The following PITPNM2 variants were observed in gnomAD, a reference collection of about 807,000 sequenced individuals.
PITPNM2 encodes the protein phosphatidylinositol transfer protein membrane associated 2.
PITPNM2 carries 35 observed loss-of-function variants against 132.2 expected under a neutral mutation model. That is an observed-to-expected ratio of 0.26 (90% CI 0.20 to 0.35). The LOEUF (loss-of-function observed/expected upper bound fraction) is 0.35, where lower values mean the gene tolerates loss of function less well. PITPNM2 is among the 10% of genes least tolerant of loss of function. The pLI, the probability that PITPNM2 is intolerant of heterozygous loss-of-function variation, is 1.00. For missense variants in PITPNM2, 1,332 were observed against 1,912.0 expected (o/e 0.70, Z 5.66); for synonymous variants, 738 against 799.2 (o/e 0.92, Z 1.29).
chr12:122,994,921 T>C lies in PITPNM2; in HGVS notation c.2113A>G (p.Met705Val), dbSNP rs2038358022. Residue 705 changes from methionine to valine, a missense_variant, in exon 15 of 26, where the codon ATG (methionine) becomes GTG (valine). Physicochemically the swap from Met to Val is conservative, Grantham distance 21. Coordinates refer to ENST00000320201, the MANE Select transcript of PITPNM2 (RefSeq NM_020845.3). This position sits in a 1 kb window ranked among gnomAD's most constrained non-coding sequence, Gnocchi z 5.4. ...PCSRHSSSST[M>V]LDGTGALGRF... ...CCCAGGGCACCTGTGCCATCCAGCA[T>C]GGTGGAGCTGCTGGAATGGCGTGAG... is the stretch of plus-strand genomic sequence containing the variant. 1.2e-6 allele frequency: 2 copies of C among 1,611,854 alleles called. No individual in the cohort carries two copies. Among genetic ancestry groups the C allele is most frequent in the Admixed American group, 1.7e-5 (1 of 59,938 alleles).
At chr12:123,072,069 A>G (rs1192446044) in intron 2 of PITPNM2, among the ~76,000 whole-genome samples, 2 of 152,234 alleles carry the variant, frequency 1.3e-5, no homozygotes, top group East Asian at 1.9e-4. Context: ...AAGCCTGTTC[A>G]CAGCCACAGG....
rs976224029 is a variant in PITPNM2, at chr12:123,108,867, G to A, written c.-96+1518C>T. On this transcript the variant is annotated intron_variant, in intron 2 of 25. Coordinates refer to ENST00000320201, the MANE Select transcript of PITPNM2 (RefSeq NM_020845.3). The surrounding 1 kb of genome is among the most constrained non-coding windows in gnomAD (Gnocchi z 4.4). ...AAGGGAAGGGACTTACCCGAGATCA[G>A]ACAGCAAGTAACAGTTGAGCCTGGG... is the stretch of plus-strand genomic sequence containing the variant. 6.6e-6 allele frequency among the ~76,000 whole-genome samples: 1 copy of A among 152,124 alleles called. No homozygotes were observed. Among genetic ancestry groups the A allele is most frequent in the African/African-American group, 2.4e-5 (1 of 41,416 alleles).
intron 2 of PITPNM2, among the ~76,000 whole-genome samples, chr12:123,039,725 C>A (rs1287912723): frequency 6.6e-6 from 1 of 152,180 alleles, no homozygotes; most frequent in Non-Finnish European, 1.5e-5. Flanking sequence ...CATGTCACTG[C>A]AGGCTCATTC....
chr12:123,094,993 C>T (rs996214173), intron 2 of PITPNM2, among the ~76,000 whole-genome samples: 8 of 152,322 alleles, frequency 5.3e-5, no homozygotes, highest in African/African-American at 1.9e-4. Flanking sequence ...GGCTTCGTGG[C>T]GCACTGAAGC....
At chr12:123,012,849 G>C in intron 4 of PITPNM2, 115 bp from the exon 5 acceptor site, 1 of 1,403,124 alleles carries the variant, frequency 7.1e-7, no homozygotes, top group Non-Finnish European at 9.7e-7. Context: ...CATGGAAGGA[G>C]GGTGGAGGGT....
chr12:123,059,293 C>T (rs2041150782), intron 2 of PITPNM2, among the ~76,000 whole-genome samples: 1 of 152,226 alleles, frequency 6.6e-6, no homozygotes, highest in African/African-American at 2.4e-5. Context: ...CTTTCCGTAG[C>T]AGCACTGAGC....
rs2041345131 is a variant in PITPNM2 at position 123,064,312 on chromosome 12, A to C, written c.-95-29627T>G. On this transcript the variant is annotated intron_variant, in intron 2 of 25. Coordinates refer to ENST00000320201, the MANE Select transcript of PITPNM2 (RefSeq NM_020845.3). This position sits in a 1 kb window ranked among gnomAD's most constrained non-coding sequence, Gnocchi z 4.0. ...GCAAGTCAGTAGCAGGGAAGGGATG[A>C]GAACTCCTCATTCTGGGCCCAGGGT... is the stretch of plus-strand genomic sequence containing the variant. Among the ~76,000 whole-genome samples, 1 of 152,196 alleles carries C rather than the reference A, an allele frequency of 6.6e-6. No individual in the cohort carries two copies. Among genetic ancestry groups the C allele is most frequent in the Non-Finnish European group, 1.5e-5 (1 of 68,030 alleles).
intron 1 of PITPNM2, among the ~76,000 whole-genome samples, chr12:123,119,664 G>A (rs1176818366): frequency 1.3e-5 from 2 of 152,070 alleles, no homozygotes; most frequent in Non-Finnish European, 1.5e-5. Context: ...GGCTGAGGAT[G>A]TGATCTTAAT....
chr12:123,144,013 A>G (rs1016674480), intron 1 of PITPNM2, among the ~76,000 whole-genome samples: 23 of 152,250 alleles, frequency 1.5e-4, no homozygotes, highest in African/African-American at 5.3e-4. Flanking sequence ...GAATTACCCT[A>G]GTCACTAAAA....
chr12:122,992,456 C>T lies in PITPNM2; in HGVS notation c.2404+43G>A. 6.4e-7 allele frequency: 1 copy of T among 1,567,526 alleles called. No individual in the cohort carries two copies. Among genetic ancestry groups the T allele is most frequent in the Non-Finnish European group, 8.6e-7 (1 of 1,157,046 alleles). On this transcript the variant is annotated intron_variant, in intron 16 of 25. Transcript: ENST00000320201. The surrounding 1 kb of genome is among the most constrained non-coding windows in gnomAD (Gnocchi z 6.5). The stretch of plus-strand genomic sequence containing the variant: ...CCTAGGAGCCAGGGAGCCACGCTTA[C>T]CCCACCTTCCCCCAGAGGAGTGGGG...
intron 1 of PITPNM2, among the ~76,000 whole-genome samples, chr12:123,125,480 A>T (rs2043117921): frequency 6.6e-6 from 1 of 152,088 alleles, no homozygotes; most frequent in Non-Finnish European, 1.5e-5. Context: ...TTAAAATTTC[A>T]ATTCTAATTA....
chr12:123,073,240 T>TA (rs1459598832), intron 2 of PITPNM2, among the ~76,000 whole-genome samples: 1 of 152,196 alleles, frequency 6.6e-6, no homozygotes, highest in African/African-American at 2.4e-5. Flanking sequence ...GTCTCTAAGC[T>TA]ACGGAAAAAT....
chr12:123,028,255 C>T (rs565566074), intron 3 of PITPNM2, among the ~76,000 whole-genome samples: 18 of 152,314 alleles, frequency 1.2e-4, no homozygotes, highest in Non-Finnish European at 1.8e-4. Context: ...ACCTTTAACA[C>T]GGTGTATATT....
rs1255915683 is a variant in PITPNM2 at position 123,000,962 on chromosome 12, C to T, written c.1153+92G>A. On this transcript the variant is annotated intron_variant, in intron 9 of 25. Transcript: ENST00000320201. The surrounding 1 kb of genome is among the most constrained non-coding windows in gnomAD (Gnocchi z 5.4). ...TGGGGGTCCCCAACTCACATGTATG[C>T]CCAGCACTGTGCAGAAGCTGGTCAG... 23 of 1,522,824 alleles carry T rather than the reference C, an allele frequency of 1.5e-5. No individual in the cohort carries two copies. Among genetic ancestry groups the T allele is most frequent in the Admixed American group, 3.4e-5 (2 of 59,318 alleles). The allele number at this position is 1,522,824 out of a possible 1,614,324, so 94.3% of individuals were successfully genotyped here.
rs190110294 is a variant in PITPNM2, at chr12:123,136,996, T to A, written c.-200+13757A>T. Among the ~76,000 whole-genome samples, 81 of 152,346 alleles carry A rather than the reference T, an allele frequency of 5.3e-4. No individual in the cohort carries two copies. The East Asian group carries it at 0.012, about 22-fold the overall frequency. On this transcript the variant is annotated intron_variant, in intron 1 of 25. Transcript: ENST00000320201. Reference sequence around the variant, plus strand: ...GCACACAAAATTGACCCTGGCCTGATAATGGATTTCCTAAGTCACTTGCTC... The same window carrying A: ...GCACACAAAATTGACCCTGGCCTGAAAATGGATTTCCTAAGTCACTTGCTC...
At chr12:123,018,924 C>CCA (rs1261871208) in intron 3 of PITPNM2, among the ~76,000 whole-genome samples, 7 of 151,816 alleles carry the variant, frequency 4.6e-5, no homozygotes, top group African/African-American at 1.7e-4. Flanking sequence ...GCTGGGATTA[C>CCA]AGGCGTGTGC....
chr12:122,997,722 T>C (rs2038492558), intron 10 of PITPNM2, 150 bp from the exon 11 acceptor site: 1 of 1,133,472 alleles, frequency 8.8e-7, no homozygotes, highest in Non-Finnish European at 1.2e-6. Context: ...GCCTGGAGCC[T>C]GGGGTTTGGC....
chr12:123,015,063 G>A (rs1040540653), intron 3 of PITPNM2, among the ~76,000 whole-genome samples: 5 of 152,166 alleles, frequency 3.3e-5, no homozygotes, highest in African/African-American at 4.8e-5. Flanking sequence ...AAGACATCCC[G>A]TGTTGATGGA....
In PITPNM2 at chr12:123,009,471, C is replaced by T. The variant is rs1423496457; in HGVS notation, c.643+379G>A. On this transcript the variant is annotated intron_variant, in intron 6 of 25. Coordinates refer to ENST00000320201, the MANE Select transcript of PITPNM2 (RefSeq NM_020845.3). The surrounding 1 kb of genome is among the most constrained non-coding windows in gnomAD (Gnocchi z 4.8). ...CCTCCTTGAGTAGAGGAAACAAAGG[C>T]CTGGGAGCCCAGAGGCCCAGATGAG... 6.6e-6 allele frequency among the ~76,000 whole-genome samples: 1 copy of T among 152,156 alleles called. No homozygotes were observed. The highest frequency in any genetic ancestry group is 1.5e-5 in the Non-Finnish European group (1 of 68,010).
Sources: gnomAD v4.1 joint callset for allele counts (sites outside exome capture counted in the v4.1 genomes callset) on GRCh38, gnomAD v4.1.1 for gene constraint, Gnocchi (gnomAD v3.1) non-coding constraint, MANE v1.5 for transcripts, NCBI Gene and HGNC (gene_info 2026-07-23, HGNC 2026-07-21) for gene names.